The following ADCY2 variants were observed in gnomAD, a reference collection of about 807,000 sequenced individuals.
The protein encoded by ADCY2 is adenylate cyclase type 2.
A neutral mutation model predicts 125.2 loss-of-function variants in ADCY2; 31 were observed. The ratio of observed to expected loss-of-function variants is 0.25; its 90% confidence interval spans 0.19 to 0.33. The LOEUF is 0.33. Among genes scored for constraint, ADCY2 ranks in the 10% least tolerant of loss-of-function variants. The pLI is 1.00. For missense variants in ADCY2, 904 were observed against 1,418.2 expected (o/e 0.64, Z 5.82); for synonymous variants, 512 against 548.4 (o/e 0.93, Z 0.93).
At chr5:7,603,784 C>CTTGTTTTTTTTT (rs1737300289) in intron 3 of ADCY2, among the ~76,000 whole-genome samples, 1 of 62,800 alleles carries the variant, frequency 1.6e-5, no homozygotes, top group Non-Finnish European at 2.7e-5. Flanking sequence ...TGCTCTCTTT[C>CTTGTTTTTTTTT]TTTTTTTTTT....
chr5:7,724,419 T>C, intron 12 of ADCY2, 126 bp from the exon 13 acceptor site: 1 of 699,232 alleles, frequency 1.4e-6, no homozygotes. Context: ...TTTTTTTTTT[T>C]TTTTTTAAAT....
At chr5:7,753,472 A>G (rs1370394567) in intron 15 of ADCY2, among the ~76,000 whole-genome samples, 1 of 152,234 alleles carries the variant, frequency 6.6e-6, no homozygotes, top group Non-Finnish European at 1.5e-5. Context: ...TCTCATTTTC[A>G]GTTGAATAGT....
intron 4 of ADCY2, among the ~76,000 whole-genome samples, chr5:7,646,551 G>T (rs1015145696): frequency 6.6e-6 from 1 of 152,062 alleles, no homozygotes; most frequent in African/African-American, 2.4e-5. Context: ...GTTTATACAA[G>T]GACAAGACCT....
chr5:7,566,715 G>A (rs902455891), intron 3 of ADCY2, among the ~76,000 whole-genome samples: 1 of 152,116 alleles, frequency 6.6e-6, no homozygotes, highest in African/African-American at 2.4e-5. Flanking sequence ...AATGTGTCAG[G>A]TTATGGGACC....
At chr5:7,720,550 C>G (rs1741726356) in intron 12 of ADCY2, among the ~76,000 whole-genome samples, 1 of 151,940 alleles carries the variant, frequency 6.6e-6, no homozygotes, top group Non-Finnish European at 1.5e-5. Context: ...TCCCCTCTCC[C>G]CCCACCCCAT....
intron 5 of ADCY2, 29 bp downstream of exon 5, chr5:7,690,868 G>T: frequency 6.7e-7 from 1 of 1,492,678 alleles, no homozygotes; most frequent in Non-Finnish European, 8.9e-7. Context: ...TCCTTGGCTG[G>T]TCTGGGAGTC....
intron 3 of ADCY2, among the ~76,000 whole-genome samples, chr5:7,586,731 C>T (rs895069656): frequency 1.3e-5 from 2 of 151,916 alleles, no homozygotes; most frequent in African/African-American, 4.8e-5. Context: ...AGCTGGGTGG[C>T]GGTGTAAGTG....
At chr5:7,546,355 G>A (rs1735147338) in intron 3 of ADCY2, among the ~76,000 whole-genome samples, 1 of 152,224 alleles carries the variant, frequency 6.6e-6, no homozygotes, top group South Asian at 2.1e-4. Flanking sequence ...CCTATCTGGA[G>A]CAAGCAGTTT....
chr5:7,514,873 A>T (rs996602227), intron 2 of ADCY2, among the ~76,000 whole-genome samples: 3 of 152,206 alleles, frequency 2.0e-5, no homozygotes, highest in African/African-American at 7.2e-5. Flanking sequence ...CTCCAGGAGG[A>T]ACAAACCCTG....
intron 2 of ADCY2, among the ~76,000 whole-genome samples, chr5:7,517,726 T>C (rs1744300987): frequency 6.6e-6 from 1 of 152,190 alleles, no homozygotes; most frequent in Non-Finnish European, 1.5e-5. Flanking sequence ...CTATTTTCCA[T>C]TTGGTTATTG....
At chr5:7,543,206 T>C (rs1193313970) in intron 3 of ADCY2, among the ~76,000 whole-genome samples, 2 of 152,198 alleles carry the variant, frequency 1.3e-5, no homozygotes, top group African/African-American at 4.8e-5. Flanking sequence ...TTATAAGGTA[T>C]CAAGCAAATT....
chr5:7,716,152 G>A (rs1382064166), intron 11 of ADCY2, among the ~76,000 whole-genome samples: 2 of 152,136 alleles, frequency 1.3e-5, no homozygotes, highest in African/African-American at 4.8e-5. Flanking sequence ...TTATATTATG[G>A]CTAAAGGTTA....
intron 4 of ADCY2, 21 bp from the exon 5 acceptor site, chr5:7,690,670 C>T (rs1252379793): frequency 2.0e-6 from 3 of 1,525,154 alleles, no homozygotes; most frequent in South Asian, 1.3e-5. Context: ...ACATTTGTTC[C>T]TCCTTCCCCA....
intron 2 of ADCY2, among the ~76,000 whole-genome samples, chr5:7,447,878 G>A (rs1330346760): frequency 6.6e-6 from 1 of 152,138 alleles, no homozygotes; most frequent in African/African-American, 2.4e-5. Flanking sequence ...CCTGGGGAGG[G>A]GCTTACAAGG....
intron 3 of ADCY2, among the ~76,000 whole-genome samples, chr5:7,584,885 A>G (rs1002494708): frequency 1.3e-5 from 2 of 152,224 alleles, no homozygotes; most frequent in African/African-American, 4.8e-5. Context: ...AAGTCTCTAC[A>G]CAATTTATAC....
chr5:7,618,526 C>T (rs993264460), intron 3 of ADCY2, among the ~76,000 whole-genome samples: 11 of 152,144 alleles, frequency 7.2e-5, no homozygotes, highest in African/African-American at 1.7e-4. Context: ...AACTAAGCTG[C>T]GTAAGTCAGA....
intron 13 of ADCY2, 116 bp downstream of exon 13, chr5:7,724,730 G>T: frequency 4.1e-6 from 3 of 734,140 alleles, no homozygotes; most frequent in South Asian, 1.7e-5. Context: ...GACTATATTC[G>T]AACTCTTTCT....
intron 2 of ADCY2, among the ~76,000 whole-genome samples, chr5:7,506,757 G>A (rs965941242): frequency 1.4e-5 from 2 of 146,748 alleles, no homozygotes; most frequent in Non-Finnish European, 3.0e-5. Flanking sequence ...GAATATTTGC[G>A]ATAGAAAGGG....
chr5:7,611,159 T>C (rs540799519), intron 3 of ADCY2: 2 of 152,338 alleles, frequency 1.3e-5, no homozygotes, highest in East Asian at 3.9e-4. Flanking sequence ...ATGAGGACAC[T>C]CTCTCTCCTT....
Sources: allele counts gnomAD v4.1 joint callset (sites outside exome capture counted in the v4.1 genomes callset), GRCh38; gene constraint gnomAD v4.1.1; transcripts MANE v1.5; gene names NCBI Gene and HGNC (gene_info 2026-07-23, HGNC 2026-07-21).